The following GSTCD variants were observed in gnomAD, a reference collection of about 807,000 sequenced individuals.
GSTCD encodes glutathione S-transferase C-terminal domain containing.
In GSTCD, 44 loss-of-function variants were observed where a neutral mutation model predicts 68.3. That is an observed-to-expected ratio of 0.64 (90% CI 0.51 to 0.83). The LOEUF (loss-of-function observed/expected upper bound fraction) is 0.83, where lower values mean the gene tolerates loss of function less well. Ranked by LOEUF, GSTCD falls within the 40% of genes least tolerant of loss-of-function variation. The pLI, the probability that GSTCD is intolerant of heterozygous loss-of-function variation, is 0.00. For synonymous variants in GSTCD, 273 were observed against 255.2 expected, an observed-to-expected ratio of 1.07 and a Z score of -0.67; for missense variants, 739 against 735.9, an observed-to-expected ratio of 1.00 and a Z score of -0.05.
At chr4:105,825,487 C>T (rs1002442559) in intron 7 of GSTCD, among the ~76,000 whole-genome samples, 185 bp from the exon 8 acceptor site, 18 of 152,190 alleles carry the variant, frequency 1.2e-4, no homozygotes, top group Admixed American at 6.5e-4. Context: ...AGCTATATCA[C>T]TATAGTTCAA....
intron 3 of GSTCD, among the ~76,000 whole-genome samples, chr4:105,720,385 C>T (rs935400133): frequency 4.6e-5 from 7 of 152,130 alleles, no homozygotes; most frequent in Non-Finnish European, 7.4e-5. Context: ...ACTAAGGAAT[C>T]AGATATTAGA....
chr4:105,787,031 G>A (rs1735492925), intron 5 of GSTCD, among the ~76,000 whole-genome samples: 1 of 151,968 alleles, frequency 6.6e-6, no homozygotes, highest in Non-Finnish European at 1.5e-5. Context: ...AAAAACTTGT[G>A]CAATGAATGG....
Position 105,756,599 on chromosome 4 carries a change from TATA to T in GSTCD, c.1240+27104_1240+27106del, listed in dbSNP as rs577879537. 8.9e-3 allele frequency among the ~76,000 whole-genome samples: 1,339 copies of T among 149,820 alleles called. 14 individuals carry two copies. Among genetic ancestry groups the T allele is most frequent in the African/African-American group, 0.03 (1,229 of 40,542 alleles). ...GTGTGTGTATATATATATATATATA[TATA>T]ATATGTCTTATTATTTCACCGATTT... On this transcript the variant is annotated intron_variant, in intron 5 of 11. Coordinates refer to ENST00000515279, the MANE Select transcript of GSTCD (RefSeq NM_001370181.1).
chr4:105,813,986 A>G (rs1722862015), intron 5 of GSTCD, among the ~76,000 whole-genome samples: 1 of 152,136 alleles, frequency 6.6e-6, no homozygotes, highest in Non-Finnish European at 1.5e-5. Flanking sequence ...CAGGCATATA[A>G]TAAGTGCTTT....
Position 105,719,436 on chromosome 4 carries a change from C to G in GSTCD, c.803C>G (p.Ser268Cys), listed in dbSNP as rs1277165443. ...TCTCACATCAGAAAAGCAAAAGCCTCCGACCTTCCACCTCTGGAGCATGTG... is the reference window on the plus strand; with the variant it reads ...TCTCACATCAGAAAAGCAAAAGCCTGCGACCTTCCACCTCTGGAGCATGTG... ...EPSHIRKAKA[S>C]DLPPLEHVFA... The change falls in exon 3 of 12, where the codon TCC becomes TGC. Residue 268 changes from serine to cysteine, a missense_variant. Physicochemically the swap from Ser to Cys is moderately radical, Grantham distance 112 (BLOSUM62 -1). Transcript: ENST00000515279. The G allele has an allele frequency of 1.2e-6, 2 of 1,613,942 alleles. No homozygotes were observed. The highest frequency in any genetic ancestry group is 1.7e-6 in the Non-Finnish European group (2 of 1,179,978).
intron 5 of GSTCD, among the ~76,000 whole-genome samples, chr4:105,806,241 A>G (rs1320594148): frequency 1.3e-5 from 2 of 152,096 alleles, no homozygotes; most frequent in South Asian, 2.1e-4. Flanking sequence ...CTCCAGTACA[A>G]ATGAAAATAG....
chr4:105,783,504 A>G (rs930074219), intron 5 of GSTCD, among the ~76,000 whole-genome samples: 1 of 152,124 alleles, frequency 6.6e-6, no homozygotes, highest in Non-Finnish European at 1.5e-5. Context: ...TTCACTGTTT[A>G]CATTTTTATT....
chr4:105,802,915 G>A (rs905315609), intron 5 of GSTCD, among the ~76,000 whole-genome samples: 10 of 152,084 alleles, frequency 6.6e-5, no homozygotes, highest in Non-Finnish European at 1.0e-4. Context: ...TCTTGAAGTA[G>A]TTGGGCAAAC....
At chr4:105,729,540 A>T (rs1733158798) in intron 5 of GSTCD, 41 bp downstream of exon 5, 5 of 1,331,228 alleles carry the variant, frequency 3.8e-6, no homozygotes, top group Non-Finnish European at 5.4e-6. Flanking sequence ...CATACTTTGG[A>T]TACTGTCTTC....
intron 8 of GSTCD, among the ~76,000 whole-genome samples, chr4:105,830,173 C>G (rs2149281000): frequency 6.6e-6 from 1 of 152,152 alleles, no homozygotes; most frequent in South Asian, 2.1e-4. Flanking sequence ...ACAAAATGGC[C>G]TAAGCCAAGG....
intron 1 of GSTCD, chr4:105,712,731 T>C (rs1732573504): frequency 6.6e-6 from 1 of 152,114 alleles, no homozygotes. Context: ...AAGGTAGAGA[T>C]GGCAGGGTAT....
chr4:105,713,941 A>G (rs1263289848), intron 1 of GSTCD, among the ~76,000 whole-genome samples: 2 of 151,792 alleles, frequency 1.3e-5, no homozygotes, highest in Non-Finnish European at 2.9e-5. Flanking sequence ...GTGGAGAAGT[A>G]TGCTTGTTTT....
intron 3 of GSTCD, among the ~76,000 whole-genome samples, chr4:105,725,931 C>T (rs952633739): frequency 2.6e-5 from 4 of 152,016 alleles, no homozygotes; most frequent in African/African-American, 9.7e-5. Flanking sequence ...CCATGGATTG[C>T]TAGTGGGAAT....
rs1578464155 is a variant in GSTCD at position 105,775,340 on chromosome 4, CCTA to C, written c.1240+45844_1240+45846del. 1.1e-4 allele frequency among the ~76,000 whole-genome samples: 16 copies of C among 152,318 alleles called. No homozygotes were observed. The South Asian group carries it at 3.3e-3, about 32-fold the overall frequency. ...AGGCGTTTGCTATTGCCTTCTGAAT[CCTA>C]CTTCTGTCAATTCGCCAAACTCATT... is the stretch of plus-strand genomic sequence containing the variant. On this transcript the variant is annotated intron_variant, in intron 5 of 11. Coordinates refer to ENST00000515279, the MANE Select transcript of GSTCD (RefSeq NM_001370181.1).
At chr4:105,741,088 T>C (rs2149219533) in intron 5 of GSTCD, among the ~76,000 whole-genome samples, 1 of 152,304 alleles carries the variant, frequency 6.6e-6, no homozygotes, top group African/African-American at 2.4e-5. Flanking sequence ...TATTTAGCCA[T>C]ATATAATTCT....
chr4:105,766,885 C>CTATTTTTTTTTTTTTTTT (rs1491149179), intron 5 of GSTCD, among the ~76,000 whole-genome samples: 1 of 23,040 alleles, frequency 4.3e-5, no homozygotes, highest in African/African-American at 1.7e-4. Flanking sequence ...AGGTTTTTGA[C>CTATTTTTTTTTTTTTTTT]TCTTTTTTTT....
intron 5 of GSTCD, among the ~76,000 whole-genome samples, chr4:105,820,251 A>G (rs987429212): frequency 1.8e-4 from 27 of 151,852 alleles, no homozygotes; most frequent in African/African-American, 3.9e-4. Context: ...TGGCAATGCA[A>G]ACCACACTGA....
chr4:105,773,442 TG>T (rs1415824211), intron 5 of GSTCD, among the ~76,000 whole-genome samples: 1 of 152,198 alleles, frequency 6.6e-6, no homozygotes. Flanking sequence ...TTCTTTTAAT[TG>T]TGATGTTAGG....
chr4:105,824,924 A>G (rs1180345678), intron 7 of GSTCD, among the ~76,000 whole-genome samples: 1 of 151,918 alleles, frequency 6.6e-6, no homozygotes, highest in Admixed American at 6.6e-5. Flanking sequence ...ATTCCCCCCA[A>G]ACCGATTTGT....
Sources: allele counts gnomAD v4.1 joint callset (sites outside exome capture counted in the v4.1 genomes callset), GRCh38; gene constraint gnomAD v4.1.1; transcripts MANE v1.5; gene names NCBI Gene and HGNC (gene_info 2026-07-23, HGNC 2026-07-21).